LPL: variants seen among roughly 807,000 people sequenced by gnomAD.
LPL encodes lipoprotein lipase, also known as phospholipase A1.
LPL carries 43 observed loss-of-function variants against 52.2 expected under a neutral mutation model. That is an observed-to-expected ratio of 0.82 (90% CI 0.64 to 1.06). The LOEUF is 1.06. LPL is among the 50% of genes least tolerant of loss of function. The pLI, the probability that LPL is intolerant of heterozygous loss-of-function variation, is 0.00. For synonymous variants in LPL, 244 were observed against 215.6 expected, an observed-to-expected ratio of 1.13 and a Z score of -1.15; for missense variants, 639 against 585.3, an observed-to-expected ratio of 1.09 and a Z score of -0.95.
In LPL at chr8:19,944,962, C is replaced by CCTTCCTTCCCCTTCCCCTT. The variant is rs1563566638; in HGVS notation, c.89-3208_89-3190dup. Among the ~76,000 whole-genome samples, 1 of 152,018 alleles carries CCTTCCTTCCCCTTCCCCTT rather than the reference C, an allele frequency of 6.6e-6. No individual in the cohort carries two copies. Among genetic ancestry groups the CCTTCCTTCCCCTTCCCCTT allele is most frequent in the Non-Finnish European group, 1.5e-5 (1 of 68,004 alleles). On this transcript the variant is annotated intron_variant, in intron 1 of 9. Coordinates refer to ENST00000650287, the MANE Select transcript of LPL (RefSeq NM_000237.3). The surrounding 1 kb of genome is among the most constrained non-coding windows in gnomAD (Gnocchi z 4.2). ...AATGAAGGCCTGCCTTTCCTTCCCT[C>CCTTCCTTCCCCTTCCCCTT]CTTCCTTCCCCTTCCCCTTCTTCCT...
At position 19,950,615 on chromosome 8, in the gene LPL, C is replaced by T. The variant is rs2069925006; in HGVS notation, c.250-1154C>T. On this transcript the variant is annotated intron_variant, in intron 2 of 9. Transcript: ENST00000650287. The surrounding 1 kb of genome is among the most constrained non-coding windows in gnomAD (Gnocchi z 4.2). ...AGGAGTTTGAGACCAACCTGGCCAA[C>T]ATGGGGAAACCCAATCTCTACTAAA... Among the ~76,000 whole-genome samples, 1 of 152,160 alleles carries T rather than the reference C, an allele frequency of 6.6e-6. No homozygotes were observed. Among genetic ancestry groups the T allele is most frequent in the African/African-American group, 2.4e-5 (1 of 41,428 alleles).
rs2069937636 is a variant in LPL, at chr8:19,951,884, C to A, written c.365C>A (p.Pro122Gln). The change falls in exon 3 of 10, where the codon CCA becomes CAA. Residue 122 changes from proline (P) to glutamine (Q), a missense_variant. Pro to Gln is a moderately conservative substitution (Grantham distance 76, BLOSUM62 -1). Coordinates refer to ENST00000650287, the MANE Select transcript of LPL (RefSeq NM_000237.3). Reference protein sequence around the residue: ...DWLSRAQEHYPVSAGYTKLVG... With the variant: ...DWLSRAQEHYQVSAGYTKLVG... ...CTGTCACGGGCTCAGGAGCATTACCCAGTGTCCGCGGGCTACACCAAACTG... is the reference window on the plus strand; with the variant it reads ...CTGTCACGGGCTCAGGAGCATTACCAAGTGTCCGCGGGCTACACCAAACTG... 6.2e-7 allele frequency: 1 copy of A among 1,614,026 alleles called. No homozygotes were observed. Among genetic ancestry groups the A allele is most frequent in the Admixed American group, 1.7e-5 (1 of 59,982 alleles).
intron 1 of LPL, among the ~76,000 whole-genome samples, chr8:19,942,832 A>G (rs2069852016): frequency 1.3e-5 from 2 of 152,352 alleles, no homozygotes; most frequent in Non-Finnish European, 2.9e-5. Flanking sequence ...AACAACAGGT[A>G]TCTACTAGGA....
At chr8:19,957,543 T>C (rs1335498655) in intron 6 of LPL, among the ~76,000 whole-genome samples, 1 of 152,332 alleles carries the variant, frequency 6.6e-6, no homozygotes, top group East Asian at 1.9e-4. Flanking sequence ...CCCTGCCTCC[T>C]GCACCAGTGG....
chr8:19,939,345 C>A lies in LPL; in HGVS notation c.-96C>A. 1 of 1,221,634 alleles carries A rather than the reference C, an allele frequency of 8.2e-7. No homozygotes were observed. The highest frequency in any genetic ancestry group is 1.2e-6 in the Non-Finnish European group (1 of 856,348). The allele number at this position is 1,221,634 out of a possible 1,614,324, so 75.7% of individuals were successfully genotyped here. A position where few individuals can be genotyped will look rare whatever the true frequency, so the allele number is the denominator to read the frequency against. On this transcript the variant is annotated 5_prime_UTR_variant, in exon 1 of 10. Transcript: ENST00000650287. The surrounding 1 kb of genome is among the most constrained non-coding windows in gnomAD (Gnocchi z 4.0). ...CCCCTTTAAAGGGCGACTTGCTCAG[C>A]GCCAAACCGCGGCTCCAGCCCTCTC... is the stretch of plus-strand genomic sequence containing the variant.
intron 9 of LPL, among the ~76,000 whole-genome samples, chr8:19,963,514 A>T (rs1351284740): frequency 6.6e-6 from 1 of 152,046 alleles, no homozygotes; most frequent in Admixed American, 6.5e-5. Flanking sequence ...TTTAAATTCT[A>T]CTTTATAATA....
intron 6 of LPL, among the ~76,000 whole-genome samples, chr8:19,957,501 T>C (rs549745447): frequency 5.3e-5 from 8 of 152,288 alleles, no homozygotes; most frequent in African/African-American, 1.7e-4. Flanking sequence ...TGTGGGACCA[T>C]AATCTTGAAG....
At chr8:19,955,301 C>T (rs263) in intron 5 of LPL, among the ~76,000 whole-genome samples, 35,061 of 151,990 alleles carry the variant, frequency 0.23, 4,510 homozygotes, top group African/African-American at 0.35. Context: ...CAAATTGTCC[C>T]TAACTTACAG....
At chr8:19,955,497 T>A (rs568355239) in intron 5 of LPL, among the ~76,000 whole-genome samples, 1 of 152,214 alleles carries the variant, frequency 6.6e-6, no homozygotes. Flanking sequence ...TAGAAGCACC[T>A]AGAAGTGTTA....
At position 19,954,258 on chromosome 8, in the gene LPL, T is replaced by G. The variant is rs528243561; in HGVS notation, c.680T>G (p.Val227Gly). The change falls in exon 5 of 10, where the codon GTT (valine) becomes GGT (glycine). Residue 227 changes from valine to glycine, a missense_variant. Transcript: ENST00000650287. Reference sequence around the variant, plus strand: ...CGAAGCATTGGAATCCAGAAACCAGTTGGGCATGTTGACATTTACCCGAAT... The same window carrying G: ...CGAAGCATTGGAATCCAGAAACCAGGTGGGCATGTTGACATTTACCCGAAT... ...PGRSIGIQKP[V>G]GHVDIYPNGG... The G allele has an allele frequency of 1.2e-6, 2 of 1,614,190 alleles. No individual in the cohort carries two copies. The highest frequency in any genetic ancestry group is 8.5e-7 in the Non-Finnish European group (1 of 1,180,040).
At position 19,939,777 on chromosome 8, in the gene LPL, T is replaced by A. The variant is rs926025919; in HGVS notation, c.88+249T>A. On this transcript the variant is annotated intron_variant, in intron 1 of 9. Transcript: ENST00000650287. The surrounding 1 kb of genome is among the most constrained non-coding windows in gnomAD (Gnocchi z 4.0). ...TTCTCTCTGCCGGGTTCCCGCGCTA[T>A]CCCTTCCACTCTGGCTGGGACCGCG... 2.0e-5 allele frequency among the ~76,000 whole-genome samples: 3 copies of A among 152,248 alleles called. No individual in the cohort carries two copies. The highest frequency in any genetic ancestry group is 3.4e-3 in the Middle Eastern group (1 of 294).
In LPL at chr8:19,939,391, T is replaced by C; in HGVS notation, c.-50T>C. The C allele has an allele frequency of 6.5e-7, 1 of 1,548,932 alleles. No homozygotes were observed. The highest frequency in any genetic ancestry group is 1.4e-5 in the African/African-American group (1 of 73,762). On this transcript the variant is annotated 5_prime_UTR_variant, in exon 1 of 10. Coordinates refer to ENST00000650287, the MANE Select transcript of LPL (RefSeq NM_000237.3). This position sits in a 1 kb window ranked among gnomAD's most constrained non-coding sequence, Gnocchi z 4.0. ...CTCTCCAGCCTCCGGCTCAGCCGGC[T>C]CATCAGTCGGTCCGCGCCTTGCAGC... is the stretch of plus-strand genomic sequence containing the variant.
At chr8:19,962,910 T>G (rs2070052519) in intron 9 of LPL, among the ~76,000 whole-genome samples, 1 of 152,224 alleles carries the variant, frequency 6.6e-6, no homozygotes, top group African/African-American at 2.4e-5. Context: ...ACACTAAGCA[T>G]GTGACCTTCA....
intron 2 of LPL, 66 bp from the exon 3 acceptor site, chr8:19,951,703 T>C: frequency 7.7e-6 from 12 of 1,561,874 alleles, no homozygotes; most frequent in Non-Finnish European, 1.1e-5. Context: ...GCAGGTGTAT[T>C]GGGCTGATGT....
intron 7 of LPL, among the ~76,000 whole-genome samples, chr8:19,959,777 CTTTTTTT>C (rs71205952): frequency 2.6e-4 from 17 of 65,130 alleles, no homozygotes; most frequent in African/African-American, 5.3e-4. Context: ...AGTGTTAGCT[CTTTTTTT>C]TTTTTTTTTT....
chr8:19,957,756 T>C (rs1426802057), intron 6 of LPL, among the ~76,000 whole-genome samples: 1 of 152,196 alleles, frequency 6.6e-6, no homozygotes, highest in Non-Finnish European at 1.5e-5. Flanking sequence ...GAGATGTATC[T>C]AAACAAAATA....
intron 2 of LPL, 169 bp downstream of exon 2, chr8:19,948,509 C>T: frequency 1.4e-6 from 1 of 725,776 alleles, no homozygotes; most frequent in Admixed American, 2.9e-5. Context: ...GCCACAGGTT[C>T]ATGAGAACTC....
At chr8:19,949,849 A>T (rs750559023) in intron 2 of LPL, among the ~76,000 whole-genome samples, 52 of 152,224 alleles carry the variant, frequency 3.4e-4, no homozygotes, top group Non-Finnish European at 5.3e-4. Flanking sequence ...TTTTTCAAAA[A>T]ATCTGAGCTT....
intron 6 of LPL, among the ~76,000 whole-genome samples, chr8:19,956,912 C>T (rs1006401958): frequency 2.6e-5 from 4 of 152,174 alleles, no homozygotes; most frequent in Admixed American, 2.6e-4. Context: ...CAACCTCTGC[C>T]TCCCGGGTTC....
Sources: gnomAD v4.1 joint callset for allele counts (sites outside exome capture counted in the v4.1 genomes callset) on GRCh38, gnomAD v4.1.1 for gene constraint, Gnocchi (gnomAD v3.1) non-coding constraint, MANE v1.5 for transcripts, NCBI Gene and HGNC (gene_info 2026-07-23, HGNC 2026-07-21) for gene names.